Variants in SLC6A2 observed in about 807,000 individuals in gnomAD.
SLC6A2 encodes the protein sodium-dependent noradrenaline transporter.
Under a neutral mutation model 71.7 loss-of-function variants are expected in SLC6A2, and 26 were observed. The observed-to-expected ratio is 0.36, with a 90% CI of 0.27 to 0.50. The LOEUF (loss-of-function observed/expected upper bound fraction) is 0.50. Ranked by LOEUF, SLC6A2 falls within the 20% of genes least tolerant of loss-of-function variation. The pLI, the probability that SLC6A2 is intolerant of heterozygous loss-of-function variation, is 0.96. For missense variants in SLC6A2, 581 were observed against 803.9 expected (o/e 0.72, Z 3.35); for synonymous variants, 363 against 337.9 (o/e 1.07, Z -0.82).
chr16:55,705,468 GA>G lies in SLC6A2; in HGVS notation c.*3127del. 1 of 545,704 alleles carries G rather than the reference GA, an allele frequency of 1.8e-6. No individual in the cohort carries two copies. The highest frequency in any genetic ancestry group is 3.2e-6 in the Non-Finnish European group (1 of 309,428). 33.8% of individuals were successfully genotyped at this position (545,704 alleles called of 1,614,324 possible). ...TTTCCTTCGAAAGCCACCGAAGAGA[GA>G]AAAACAGAGAAGGTGTGTAGTGTGG... On this transcript the variant is annotated 3_prime_UTR_variant, in exon 15 of 15. Coordinates refer to ENST00000568943, the MANE Select transcript of SLC6A2 (RefSeq NM_001172501.3).
chr16:55,677,199 G>A (rs554002547), intron 4 of SLC6A2, among the ~76,000 whole-genome samples: 36 of 152,168 alleles, frequency 2.4e-4, no homozygotes, highest in Admixed American at 2.0e-3. Flanking sequence ...GAAAATTCCC[G>A]AACCATCAGA....
In SLC6A2 at chr16:55,704,984, C is replaced by T; in HGVS notation, c.*2638C>T. 1 of 446,498 alleles carries T rather than the reference C, an allele frequency of 2.2e-6. No individual in the cohort carries two copies. Among genetic ancestry groups the T allele is most frequent in the Non-Finnish European group, 4.0e-6 (1 of 251,584 alleles). The allele number at this position is 446,498 out of a possible 1,614,324, so 27.7% of individuals were successfully genotyped here. On this transcript the variant is annotated 3_prime_UTR_variant, in exon 15 of 15. Transcript: ENST00000568943. ...ACATTTAATGGAGAGAGAGTATGGG[C>T]TTTATGTTAAGTCATCTTTGACTTC...
chr16:55,689,693 TG>T (rs1965555095), intron 5 of SLC6A2, among the ~76,000 whole-genome samples: 1 of 152,242 alleles, frequency 6.6e-6, no homozygotes, highest in Non-Finnish European at 1.5e-5. Context: ...ATCAGGAGAC[TG>T]AATACAAGAT....
intron 2 of SLC6A2, among the ~76,000 whole-genome samples, chr16:55,658,483 A>T (rs898141055): frequency 3.9e-5 from 6 of 152,118 alleles, no homozygotes; most frequent in African/African-American, 1.4e-4. Flanking sequence ...ACTGCACTCC[A>T]GCCTGGACCA....
intron 12 of SLC6A2, 24 bp downstream of exon 12, chr16:55,699,678 C>T (rs1171910056): frequency 1.3e-6 from 2 of 1,524,130 alleles, no homozygotes; most frequent in Admixed American, 3.3e-5. Context: ...GCAGGGAAGT[C>T]CTGCATGTGG....
At chr16:55,693,892 C>A in intron 6 of SLC6A2, 118 bp from the exon 7 acceptor site, 1 of 790,932 alleles carries the variant, frequency 1.3e-6, no homozygotes. Flanking sequence ...ATCTCTGGTT[C>A]AGACCATGTT....
intron 2 of SLC6A2, among the ~76,000 whole-genome samples, chr16:55,660,167 C>A (rs1964572282): frequency 6.6e-6 from 1 of 152,092 alleles, no homozygotes; most frequent in East Asian, 1.9e-4. Context: ...GGGAGGAGAT[C>A]TCCAGCTGTG....
rs1206271027 is a variant in SLC6A2, at chr16:55,705,565, T to C, written c.*3219T>C. 2 of 321,796 alleles carry C rather than the reference T, an allele frequency of 6.2e-6. No individual in the cohort carries two copies. Among genetic ancestry groups the C allele is most frequent in the African/African-American group, 2.1e-5 (1 of 47,288 alleles). 19.9% of individuals were successfully genotyped at this position (321,796 alleles called of 1,614,324 possible). ...GACTAGCTGGGTGGCCTGGGGATAG[T>C]GGCTTCATCTTTTGGGGCTTCAAGA... On this transcript the variant is annotated 3_prime_UTR_variant, in exon 15 of 15. Transcript: ENST00000568943.
chr16:55,697,274 T>C (rs1416646848), intron 9 of SLC6A2, among the ~76,000 whole-genome samples: 2 of 152,192 alleles, frequency 1.3e-5, no homozygotes, highest in African/African-American at 4.8e-5. Context: ...TGATTTTGAT[T>C]AACAGTGTCT....
At position 55,675,429 on chromosome 16, in the gene SLC6A2, A is replaced by T. The variant is rs1965055101; in HGVS notation, c.644+3254A>T. Among the ~76,000 whole-genome samples, 5 of 152,222 alleles carry T rather than the reference A, an allele frequency of 3.3e-5. No individual in the cohort carries two copies. In the South Asian group the frequency reaches 1.0e-3, roughly 32 times the overall value. On this transcript the variant is annotated intron_variant, in intron 4 of 14. Coordinates refer to ENST00000568943, the MANE Select transcript of SLC6A2 (RefSeq NM_001172501.3). ...AAATATTGCAGAATTTGCAGGCCACATATGTTCCTGTTGCATGTTCTTTGT... is the reference window on the plus strand; with the variant it reads ...AAATATTGCAGAATTTGCAGGCCACTTATGTTCCTGTTGCATGTTCTTTGT...
chr16:55,679,322 G>A (rs546619659), intron 4 of SLC6A2, among the ~76,000 whole-genome samples: 36 of 152,012 alleles, frequency 2.4e-4, no homozygotes, highest in African/African-American at 7.0e-4. Context: ...CACCTCCCAG[G>A]TTCAAGTGAT....
At position 55,684,318 on chromosome 16, in the gene SLC6A2, C is replaced by A. The variant is rs1052432808; in HGVS notation, c.645-825C>A. Among the ~76,000 whole-genome samples the A allele has an allele frequency of 1.1e-3, 115 of 101,972 alleles. 1 individual carries two copies. In the Middle Eastern group the frequency reaches 0.016, roughly 14 times the overall value. The allele number at this position is 101,972 out of a possible 152,430, so 66.9% of individuals were successfully genotyped here. A position where few individuals can be genotyped will look rare whatever the true frequency, so the allele number is the denominator to read the frequency against. On this transcript the variant is annotated intron_variant, in intron 4 of 14. Coordinates refer to ENST00000568943, the MANE Select transcript of SLC6A2 (RefSeq NM_001172501.3). ...CCTGTCTCAAAAAAAAAAAAAAAAA[C>A]AACAACAACAAAACTCCACTTTATA...
At chr16:55,667,478 G>A (rs1283922973) in intron 2 of SLC6A2, among the ~76,000 whole-genome samples, 1 of 152,176 alleles carries the variant, frequency 6.6e-6, no homozygotes, top group Admixed American at 6.5e-5. Context: ...TCAACAAACG[G>A]TACTTGTTAC....
rs11865940 is a variant in SLC6A2, at chr16:55,665,288, G to A, written c.275-4277G>A. Among the ~76,000 whole-genome samples the A allele has an allele frequency of 2.8e-3, 421 of 152,228 alleles. 1 individual carries two copies. The highest frequency in any genetic ancestry group is 9.6e-3 in the African/African-American group (400 of 41,546). ...TTGATTTGTCACCTTTAAATGTGTC[G>A]AAGTGTGAGCAGCCTTGTCTCCTGA... On this transcript the variant is annotated intron_variant, in intron 2 of 14. Transcript: ENST00000568943.
intron 4 of SLC6A2, among the ~76,000 whole-genome samples, chr16:55,675,779 G>GA (rs11418298): frequency 0.051 from 7,699 of 149,942 alleles, 211 homozygotes; most frequent in African/African-American, 0.069. Flanking sequence ...AAAAAGTGTG[G>GA]AAAAAAAAAA....
chr16:55,676,489 T>C (rs553721043), intron 4 of SLC6A2, among the ~76,000 whole-genome samples: 13 of 152,320 alleles, frequency 8.5e-5, no homozygotes, highest in African/African-American at 3.1e-4. Flanking sequence ...CCAGCCAGTG[T>C]GCATTTGCAA....
At chr16:55,669,723 G>C (rs748091212) in intron 3 of SLC6A2, 27 bp downstream of exon 3, 14 of 1,613,638 alleles carry the variant, frequency 8.7e-6, no homozygotes, top group Middle Eastern at 1.6e-4. Context: ...AGAAAGTCAC[G>C]GTTGTTCATA....
chr16:55,658,528 A>C (rs2142479790), intron 2 of SLC6A2, among the ~76,000 whole-genome samples: 1 of 152,184 alleles, frequency 6.6e-6, no homozygotes, highest in South Asian at 2.1e-4. Context: ...TCAAAAAAAA[A>C]AGGAGTGGGA....
Position 55,692,024 on chromosome 16 carries a change from T to C in SLC6A2, c.890T>C (p.Ile297Thr). 6.2e-7 allele frequency: 1 copy of C among 1,614,168 alleles called. No homozygotes were observed. The highest frequency in any genetic ancestry group is 8.5e-7 in the Non-Finnish European group (1 of 1,180,028). ...AATGGCATCAATGCCTACCTGCACA[T>C]CGACTTCTACCGCTTGAAAGAGGCC... ...ASNGINAYLH[I>T]DFYRLKEATV... Residue 297 changes from isoleucine (I) to threonine (T), a missense_variant, in exon 6 of 15, where the codon ATC (isoleucine) becomes ACC (threonine). Around this residue, in one of 5 missense-constraint regions of SLC6A2, gnomAD observed 334 missense variants for 449.0 expected, o/e 0.74. Coordinates refer to ENST00000568943, the MANE Select transcript of SLC6A2 (RefSeq NM_001172501.3).
Sources: gnomAD v4.1 joint callset for allele counts (sites outside exome capture counted in the v4.1 genomes callset) on GRCh38, gnomAD v4.1.1 for gene constraint, gnomAD v4.1.1 regional missense constraint, MANE v1.5 for transcripts, NCBI Gene and HGNC (gene_info 2026-07-23, HGNC 2026-07-21) for gene names.